The following FAM184A variants were observed in gnomAD, a reference collection of about 807,000 sequenced individuals.
The protein encoded by FAM184A is family with sequence similarity 184 member A, also known as protein FAM184A.
A neutral mutation model predicts 143.8 loss-of-function variants in FAM184A; 99 were observed. The observed-to-expected ratio is 0.69, with a 90% confidence interval of 0.58 to 0.81. The LOEUF is 0.81. FAM184A is among the 40% of genes least tolerant of loss of function. The probability of loss-of-function intolerance (pLI) is 0.00; values close to 1 mark genes in which losing one functional copy is unlikely to be tolerated. For missense variants in FAM184A, 1,217 were observed against 1,310.5 expected (o/e 0.93, Z 1.10); for synonymous variants, 427 against 446.4 (o/e 0.96, Z 0.55).
chr6:119,005,855 C>T (rs1045103484), intron 7 of FAM184A: 11 of 443,226 alleles, frequency 2.5e-5, no homozygotes, highest in Admixed American at 7.2e-5. Context: ...CAGAGTCTTT[C>T]TGAAATCTGC....
chr6:119,118,529 T>C (rs1375962277), intron 1 of FAM184A, among the ~76,000 whole-genome samples: 2 of 152,230 alleles, frequency 1.3e-5, no homozygotes, highest in Non-Finnish European at 2.9e-5. Context: ...GAAGATTTCA[T>C]TGACATTTAT....
intron 1 of FAM184A, among the ~76,000 whole-genome samples, chr6:119,139,714 T>C (rs1772150803): frequency 6.6e-6 from 1 of 152,034 alleles, no homozygotes; most frequent in South Asian, 2.1e-4. Flanking sequence ...TGGCATTTCA[T>C]TGTCAGGGTC....
chr6:118,971,651 A>G (rs1783699989), intron 14 of FAM184A, among the ~76,000 whole-genome samples: 1 of 152,214 alleles, frequency 6.6e-6, no homozygotes, highest in Non-Finnish European at 1.5e-5. Context: ...TCACTGAAAA[A>G]TAAAATTTCT....
intron 1 of FAM184A, among the ~76,000 whole-genome samples, chr6:119,110,293 A>C (rs1788900412): frequency 6.6e-6 from 1 of 152,158 alleles, no homozygotes; most frequent in African/African-American, 2.4e-5. Context: ...TTTCCCACCC[A>C]GGTTTTTGGT....
rs1784812104 is a variant in FAM184A at position 119,003,024 on chromosome 6, C to G, written c.1963G>C (p.Glu655Gln). 6.2e-7 allele frequency: 1 copy of G among 1,608,214 alleles called. No homozygotes were observed. Among genetic ancestry groups the G allele is most frequent in the Non-Finnish European group, 8.5e-7 (1 of 1,178,478 alleles). ...LRQECSKLREELRLQHEEDKK... is the reference protein window; with the variant it reads ...LRQECSKLREQLRLQHEEDKK... ...TCCTCTTCATGTTGAAGCCTTAACT[C>G]TTCACGAAGTTTAGAACACTCTTGT... is the stretch of plus-strand genomic sequence containing the variant. Residue 655 changes from glutamate (E) to glutamine (Q), a missense_variant, in exon 9 of 18, where the codon GAG (glutamate) becomes CAG (glutamine). Coordinates refer to ENST00000338891, the MANE Select transcript of FAM184A (RefSeq NM_024581.6).
intron 1 of FAM184A, among the ~76,000 whole-genome samples, chr6:119,095,445 A>G (rs1788480215): frequency 6.6e-6 from 1 of 152,214 alleles, no homozygotes; most frequent in Non-Finnish European, 1.5e-5. Flanking sequence ...TCCTGGCTTG[A>G]AAATCCAGTG....
At chr6:119,046,348 C>T (rs1357944031) in intron 1 of FAM184A, among the ~76,000 whole-genome samples, 5 of 151,684 alleles carry the variant, frequency 3.3e-5, no homozygotes, top group Non-Finnish European at 5.9e-5. Context: ...CTCAGCCTCC[C>T]AAGTAGCTGA....
Position 118,980,182 on chromosome 6 carries a change from G to A in FAM184A, c.2257C>T (p.Leu753Phe). 1.2e-6 allele frequency: 2 copies of A among 1,614,132 alleles called. No homozygotes were observed. The highest frequency in any genetic ancestry group is 1.7e-6 in the Non-Finnish European group (2 of 1,179,988). ...TCCTCTTCCATAGTTTGAAATGCAA[G>A]GACATGTGCTTCTTTTAATGATTTG... ...RHKSLKEAHV[L>F]AFQTMEEEKE... Residue 753 changes from leucine to phenylalanine, a missense_variant, in exon 10 of 18, where the codon CTT becomes TTT. Leu to Phe is a conservative substitution (Grantham distance 22). Transcript: ENST00000338891.
chr6:119,020,916 G>C (rs985543126), intron 3 of FAM184A, among the ~76,000 whole-genome samples: 1 of 152,172 alleles, frequency 6.6e-6, no homozygotes, highest in African/African-American at 2.4e-5. Flanking sequence ...GCAAGGTTAT[G>C]AAAGAATCTC....
chr6:118,987,027 G>GT (rs199805604), intron 9 of FAM184A, among the ~76,000 whole-genome samples: 4,077 of 152,174 alleles, frequency 0.027, 172 homozygotes, highest in African/African-American at 0.093. Flanking sequence ...TGAAAACTAG[G>GT]TAAAATTTTT....
At chr6:119,090,799 G>A (rs534730659) in intron 1 of FAM184A, among the ~76,000 whole-genome samples, 1 of 152,192 alleles carries the variant, frequency 6.6e-6, no homozygotes, top group Non-Finnish European at 1.5e-5. Context: ...TGGTTGGTGG[G>A]GAGATCCAAA....
At chr6:119,063,226 T>A (rs1327495642) in intron 1 of FAM184A, among the ~76,000 whole-genome samples, 1 of 152,248 alleles carries the variant, frequency 6.6e-6, no homozygotes, top group Non-Finnish European at 1.5e-5. Flanking sequence ...TACAATCAAA[T>A]AACTCACTTA....
chr6:118,991,801 G>A (rs1784388236), intron 9 of FAM184A, among the ~76,000 whole-genome samples: 1 of 118,378 alleles, frequency 8.4e-6, no homozygotes, highest in South Asian at 3.1e-4. Flanking sequence ...CTCACTCTGT[G>A]GCCCAGGCTG....
At chr6:119,026,086 G>T (rs892893559) in intron 1 of FAM184A, among the ~76,000 whole-genome samples, 10 of 151,990 alleles carry the variant, frequency 6.6e-5, no homozygotes, top group African/African-American at 2.2e-4. Flanking sequence ...CTCCACATAG[G>T]GCTTTGTCTT....
At chr6:118,967,032 T>C in intron 14 of FAM184A, 80 bp from the exon 15 acceptor site, 1 of 663,490 alleles carries the variant, frequency 1.5e-6, no homozygotes, top group African/African-American at 1.9e-5. Flanking sequence ...AAAATTAGTC[T>C]AGTTGAACAC....
chr6:119,126,712 G>A (rs1393788737), intron 1 of FAM184A, among the ~76,000 whole-genome samples: 2 of 152,250 alleles, frequency 1.3e-5, no homozygotes, highest in East Asian at 1.9e-4. Context: ...CTTTTTGTGC[G>A]GGCAGAGGGT....
chr6:119,016,605 C>T, intron 5 of FAM184A, 142 bp downstream of exon 5: 2 of 675,582 alleles, frequency 3.0e-6, no homozygotes, highest in Non-Finnish European at 5.1e-6. Context: ...AGACGCGCCA[C>T]CTTAAGAGCT....
intron 7 of FAM184A, chr6:119,005,846 A>G (rs947760219): frequency 4.6e-6 from 2 of 438,464 alleles, no homozygotes; most frequent in Non-Finnish European, 8.0e-6. Context: ...GAAAAAAGGC[A>G]GAGTCTTTCT....
Position 118,974,552 on chromosome 6 carries a change from T to C in FAM184A, c.2791A>G (p.Lys931Glu), listed in dbSNP as rs369062355. The stretch of plus-strand genomic sequence containing the variant: ...ACATCCAACTCTTTTTCAAGTCTCT[T>C]GTTTAAATCTTGTTCATGCAACCTG... ...QIRLHEQDLNKRLEKELDVMT... is the reference protein window; with the variant it reads ...QIRLHEQDLNERLEKELDVMT... The change falls in exon 14 of 18, where the codon AAG (lysine) becomes GAG (glutamate). Residue 931 changes from lysine (K) to glutamate (E), a missense_variant. Transcript: ENST00000338891. 6 of 1,604,788 alleles carry C rather than the reference T, an allele frequency of 3.7e-6. No homozygotes were observed. The highest frequency in any genetic ancestry group is 5.1e-6 in the Non-Finnish European group (6 of 1,176,884).
Sources: allele counts gnomAD v4.1 joint callset (sites outside exome capture counted in the v4.1 genomes callset), GRCh38; gene constraint gnomAD v4.1.1; transcripts MANE v1.5; gene names NCBI Gene and HGNC (gene_info 2026-07-23, HGNC 2026-07-21).